The following NPAS1 variants were observed in gnomAD, a reference collection of about 807,000 sequenced individuals.
NPAS1 encodes the protein neuronal PAS domain-containing protein 1.
NPAS1 carries 29 observed loss-of-function variants against 49.2 expected under a neutral mutation model. That is an observed-to-expected ratio of 0.59 (90% confidence interval 0.44 to 0.80). The LOEUF (loss-of-function observed/expected upper bound fraction) is 0.80, where lower values mean the gene tolerates loss of function less well. Ranked by LOEUF, NPAS1 falls within the 30% of genes least tolerant of loss-of-function variation. The pLI, the probability that NPAS1 is intolerant of heterozygous loss-of-function variation, is 0.00. For synonymous variants in NPAS1, 408 were observed against 380.4 expected, an observed-to-expected ratio of 1.07 and a Z score of -0.84; for missense variants, 825 against 835.5, an observed-to-expected ratio of 0.99 and a Z score of 0.15.
Position 47,040,567 on chromosome 19 carries a change from C to CCCACCAAGCCTGCCTA in NPAS1, c.1069+23_1069+38dup, listed in dbSNP as rs2057007887. ...ACGTGGACTGTGAGACCCACCTCCA[C>CCCACCAAGCCTGCCTA]CCACCAAGCCTGCCTACCACCCCCC... On this transcript the variant is annotated intron_variant, in intron 9 of 11. Transcript: ENST00000602212. 2 of 1,526,640 alleles carry CCCACCAAGCCTGCCTA rather than the reference C, an allele frequency of 1.3e-6. No homozygotes were observed. Among genetic ancestry groups the CCCACCAAGCCTGCCTA allele is most frequent in the African/African-American group, 1.4e-5 (1 of 73,406 alleles). 94.6% of individuals were successfully genotyped at this position (1,526,640 alleles called of 1,614,324 possible). A position where few individuals can be genotyped will look rare whatever the true frequency, so the allele number is the denominator to read the frequency against.
At chr19:47,025,560 G>T (rs988794930) in intron 3 of NPAS1, among the ~76,000 whole-genome samples, 10 of 151,856 alleles carry the variant, frequency 6.6e-5, no homozygotes, top group African/African-American at 2.2e-4. Flanking sequence ...TTACAGGTGT[G>T]AGCCACCGCA....
intron 8 of NPAS1, 52 bp from the exon 9 acceptor site, chr19:47,040,392 T>TC: frequency 1.5e-6 from 2 of 1,294,592 alleles, no homozygotes; most frequent in African/African-American, 1.5e-5. Context: ...ACTCTGCCTC[T>TC]CCCCCAACCC....
chr19:47,021,225 C>T lies in NPAS1; in HGVS notation c.122+56C>T. ...GCCCCCCCCCGGGTCCAATTCACACCCGATGTTCTGTCCCCGTGCCAAGGG... is the reference window on the plus strand; with the variant it reads ...GCCCCCCCCCGGGTCCAATTCACACTCGATGTTCTGTCCCCGTGCCAAGGG... On this transcript the variant is annotated intron_variant, in intron 2 of 11. Transcript: ENST00000602212. The surrounding 1 kb of genome is among the most constrained non-coding windows in gnomAD (Gnocchi z 5.7). 2 of 1,425,224 alleles carry T rather than the reference C, an allele frequency of 1.4e-6. No homozygotes were observed. The highest frequency in any genetic ancestry group is 2.3e-4 in the Middle Eastern group (1 of 4,274). 88.3% of individuals were successfully genotyped at this position (1,425,224 alleles called of 1,614,324 possible). A position where few individuals can be genotyped will look rare whatever the true frequency, so the allele number is the denominator to read the frequency against.
At chr19:47,036,193 T>TA in intron 6 of NPAS1, 64 bp downstream of exon 6, 1 of 1,471,566 alleles carries the variant, frequency 6.8e-7, no homozygotes, top group Non-Finnish European at 9.3e-7. Context: ...CGCTGTACTG[T>TA]ATCCAGCCAT....
In NPAS1 at chr19:47,039,084, C is replaced by T. The variant is rs1404266927; in HGVS notation, c.737C>T (p.Ser246Phe). 10 of 1,613,944 alleles carry T rather than the reference C, an allele frequency of 6.2e-6. No individual in the cohort carries two copies. Among genetic ancestry groups the T allele is most frequent in the Non-Finnish European group, 8.5e-6 (10 of 1,179,974 alleles). The change falls in exon 7 of 12, where the codon TCC becomes TTC. Residue 246 changes from serine (S) to phenylalanine (F), a missense_variant. Ser to Phe is a radical substitution (Grantham distance 155). Transcript: ENST00000602212. Reference protein sequence around the residue: ...VPPSSLVQERSFFVRMKSTLT... With the variant: ...VPPSSLVQERFFFVRMKSTLT... ...CCCTCCTCCCTGGTCCAGGAGCGCT[C>T]CTTCTTTGTCCGCATGAAATCCACG... is the stretch of plus-strand genomic sequence containing the variant.
chr19:47,043,168 C>T (rs1165406352), intron 11 of NPAS1, among the ~76,000 whole-genome samples: 8 of 148,862 alleles, frequency 5.4e-5, no homozygotes, highest in African/African-American at 7.4e-5. Flanking sequence ...TGGTGGCATG[C>T]GCCTGTAATC....
intron 6 of NPAS1, among the ~76,000 whole-genome samples, chr19:47,037,360 A>G (rs901473773): frequency 1.5e-4 from 23 of 150,582 alleles, no homozygotes; most frequent in Admixed American, 7.4e-4. Flanking sequence ...AAAAAAAAAA[A>G]AAAAAAAATT....
intron 3 of NPAS1, among the ~76,000 whole-genome samples, chr19:47,024,477 C>A (rs148037573): frequency 2.0e-5 from 3 of 149,050 alleles, no homozygotes; most frequent in African/African-American, 4.9e-5. Context: ...TATAGCGAGA[C>A]CCCGTTCTCC....
At chr19:47,040,396 C>A in intron 8 of NPAS1, 48 bp from the exon 9 acceptor site, 1 of 1,354,336 alleles carries the variant, frequency 7.4e-7, no homozygotes, top group Non-Finnish European at 1.0e-6. Flanking sequence ...TGCCTCTCCC[C>A]CAACCCCGTG....
In NPAS1 at chr19:47,021,255, T is replaced by G; in HGVS notation, c.122+86T>G. On this transcript the variant is annotated intron_variant, in intron 2 of 11. Coordinates refer to ENST00000602212, the MANE Select transcript of NPAS1 (RefSeq NM_002517.4). The surrounding 1 kb of genome is among the most constrained non-coding windows in gnomAD (Gnocchi z 5.7). ...GTTCTGTCCCCGTGCCAAGGGGCAG[T>G]TCACACCCAGCTCCCTGACCCGCCC... The G allele has an allele frequency of 8.0e-7, 1 of 1,242,508 alleles. No homozygotes were observed. Among genetic ancestry groups the G allele is most frequent in the Non-Finnish European group, 1.1e-6 (1 of 915,974 alleles). The allele number at this position is 1,242,508 out of a possible 1,614,324, so 77.0% of individuals were successfully genotyped here.
chr19:47,035,191 A>AAAG (rs56216577), intron 5 of NPAS1: 5,010 of 148,970 alleles, frequency 0.034, 248 homozygotes, highest in African/African-American at 0.11. Context: ...AAAAAAATAA[A>AAAG]AAGAAGAAGA....
chr19:47,040,532 C>T lies in NPAS1; in HGVS notation c.1051C>T (p.Arg351Cys), dbSNP rs750390906. The change falls in exon 9 of 12, where the codon CGC (arginine) becomes TGC (cysteine). Residue 351 changes from arginine (R) to cysteine (C), a missense_variant. By Grantham distance (180) the Arg-to-Cys change is radical (BLOSUM62 -3). Transcript: ENST00000602212. ...CCACGGACAGGACGCCACGAGGATC[C>T]GCCAGAGCCACGTGGACTGTGAGAC... ...FVHGQDATRI[R>C]QSHVDLLDKG... 7 of 1,591,330 alleles carry T rather than the reference C, an allele frequency of 4.4e-6. No homozygotes were observed. Among genetic ancestry groups the T allele is most frequent in the East Asian group, 2.3e-5 (1 of 43,834 alleles).
intron 11 of NPAS1, among the ~76,000 whole-genome samples, chr19:47,043,623 G>A (rs2122560272): frequency 6.6e-6 from 1 of 152,166 alleles, no homozygotes; most frequent in South Asian, 2.1e-4. Context: ...TGGGCATGGT[G>A]GCACGTGCCT....
rs1226274299 is a variant in NPAS1, at chr19:47,035,996, C to T, written c.555C>T (p.Tyr185=). ...VEMTGSSVFD[Y]IHPGDHSEVL... is the part of the protein sequence containing the mutation. The stretch of plus-strand genomic sequence containing the variant: ...TGACGGGCAGCAGCGTCTTCGACTA[C>T]ATTCACCCTGGGGACCACTCAGAGG... Residue 185 remains tyrosine, a synonymous_variant, in exon 6 of 12, where the codon TAC becomes TAT. Transcript: ENST00000602212. The T allele has an allele frequency of 5.1e-6, 8 of 1,559,526 alleles. No homozygotes were observed. The South Asian group carries it at 9.7e-5, about 19-fold the overall frequency.
chr19:47,045,485 T>G lies in NPAS1; in HGVS notation c.1607T>G (p.Leu536Arg). Residue 536 changes from leucine (L) to arginine (R), a missense_variant, in exon 12 of 12, where the codon CTG becomes CGG. By Grantham distance (102) the Leu-to-Arg change is moderately radical (BLOSUM62 -2). Coordinates refer to ENST00000602212, the MANE Select transcript of NPAS1 (RefSeq NM_002517.4). Reference sequence around the variant, plus strand: ...TTCCTGCCGCCGGTGGTGCGGGGCCTGTGCACACCCGGCACCATCCGCTAC... The same window carrying G: ...TTCCTGCCGCCGGTGGTGCGGGGCCGGTGCACACCCGGCACCATCCGCTAC... ...AGFLPPVVRG[L>R]CTPGTIRYGP... is the part of the protein sequence containing the mutation. The G allele has an allele frequency of 6.4e-7, 1 of 1,567,744 alleles. No individual in the cohort carries two copies. The highest frequency in any genetic ancestry group is 1.1e-5 in the South Asian group (1 of 87,062).
Position 47,021,010 on chromosome 19 carries a change from C to T in NPAS1, c.-38C>T. The T allele has an allele frequency of 6.4e-7, 1 of 1,567,150 alleles. No individual in the cohort carries two copies. The highest frequency in any genetic ancestry group is 1.4e-5 in the African/African-American group (1 of 73,102). ...CCTGGCCCCCTCCCGCTGCAGGAGACTCGGGGCTCGGAGCCCGCCTGAGCG... is the reference window on the plus strand; with the variant it reads ...CCTGGCCCCCTCCCGCTGCAGGAGATTCGGGGCTCGGAGCCCGCCTGAGCG... On this transcript the variant is annotated 5_prime_UTR_variant, in exon 2 of 12. Coordinates refer to ENST00000602212, the MANE Select transcript of NPAS1 (RefSeq NM_002517.4). The surrounding 1 kb of genome is among the most constrained non-coding windows in gnomAD (Gnocchi z 5.7).
rs548612426 is a variant in NPAS1 at position 47,040,494 on chromosome 19, G to T, written c.1013G>T (p.Cys338Phe). Residue 338 changes from cysteine to phenylalanine, a missense_variant, in exon 9 of 12, where the codon TGC (cysteine) becomes TTC (phenylalanine). Coordinates refer to ENST00000602212, the MANE Select transcript of NPAS1 (RefSeq NM_002517.4). The part of the protein sequence containing the change: ...LGPSELVGRS[C>F]YQFVHGQDAT... ...CCCTCAGAGCTGGTGGGCCGCAGCT[G>T]CTACCAGTTTGTCCACGGACAGGAC... 8.1e-6 allele frequency: 13 copies of T among 1,605,116 alleles called. No homozygotes were observed. In the African/African-American group the frequency reaches 1.7e-4, roughly 21 times the overall value.
intron 3 of NPAS1, among the ~76,000 whole-genome samples, chr19:47,026,930 G>A (rs1269654994): frequency 6.6e-6 from 1 of 151,546 alleles, no homozygotes; most frequent in Admixed American, 6.6e-5. Flanking sequence ...TCTAGCCTGG[G>A]TGTCAGTGCT....
chr19:47,042,742 G>T (rs1324581384), intron 10 of NPAS1, 68 bp from the exon 11 acceptor site: 1 of 1,350,170 alleles, frequency 7.4e-7, no homozygotes, highest in Non-Finnish European at 1.0e-6. Context: ...CACAAGTTGG[G>T]TAAAGCAGGA....
Sources: allele counts gnomAD v4.1 joint callset (sites outside exome capture counted in the v4.1 genomes callset), GRCh38; gene constraint gnomAD v4.1.1; non-coding constraint Gnocchi (gnomAD v3.1); transcripts MANE v1.5; gene names NCBI Gene and HGNC (gene_info 2026-07-23, HGNC 2026-07-21).